The following MSH3 variants were observed in gnomAD, a reference collection of about 807,000 sequenced individuals.
MSH3 encodes DNA mismatch repair protein Msh3.
MSH3 carries 106 observed loss-of-function variants against 123.3 expected under a neutral mutation model. That is an observed-to-expected ratio of 0.86 (90% CI 0.73 to 1.01). MSH3 has a LOEUF of 1.01. Ranked by LOEUF, MSH3 falls within the 50% of genes least tolerant of loss-of-function variation. The pLI, the probability that MSH3 is intolerant of heterozygous loss-of-function variation, is 0.00. For missense variants in MSH3, 1,459 were observed against 1,347.6 expected, an observed-to-expected ratio of 1.08 and a Z score of -1.29; for synonymous variants, 515 against 481.4, an observed-to-expected ratio of 1.07 and a Z score of -0.91.
intron 20 of MSH3, among the ~76,000 whole-genome samples, chr5:80,847,553 A>G (rs959711276): frequency 3.9e-5 from 6 of 152,160 alleles, no homozygotes; most frequent in Non-Finnish European, 7.4e-5. Context: ...TTCAATGTAG[A>G]TAAAGTCAGT....
At chr5:80,666,363 A>G (rs1749569806) in intron 3 of MSH3, among the ~76,000 whole-genome samples, 1 of 152,170 alleles carries the variant, frequency 6.6e-6, no homozygotes, top group Admixed American at 6.5e-5. Context: ...AAGCCAACAA[A>G]ATTTTGCCTA....
At chr5:80,685,458 G>T (rs2112823896) in intron 8 of MSH3, among the ~76,000 whole-genome samples, 1 of 151,912 alleles carries the variant, frequency 6.6e-6, no homozygotes, top group Non-Finnish European at 1.5e-5. Context: ...TTGGCATATG[G>T]TTGCTCATAG....
In MSH3 at chr5:80,792,742, A is replaced by G. The variant is rs1744629589; in HGVS notation, c.2553A>G (p.Val851=). 1.2e-6 allele frequency: 2 copies of G among 1,605,984 alleles called. No individual in the cohort carries two copies. The highest frequency in any genetic ancestry group is 1.7e-5 in the Admixed American group (1 of 59,936). Reference sequence around the variant, plus strand: ...TATTTCTTTTTTGCAGACCAACTGTACAAGAAGAAAGAAAAATTGTAATAA... The same window carrying G: ...TATTTCTTTTTTGCAGACCAACTGTGCAAGAAGAAAGAAAAATTGTAATAA... ...AKQGDYCRPT[V]QEERKIVIKN... Residue 851 remains valine (V), a synonymous_variant, in exon 19 of 24, where the codon GTA becomes GTG. Coordinates refer to ENST00000265081, the MANE Select transcript of MSH3 (RefSeq NM_002439.5).
chr5:80,655,127 T>G (rs1236506020), intron 1 of MSH3, 163 bp downstream of exon 1: 1 of 516,302 alleles, frequency 1.9e-6, no homozygotes, highest in East Asian at 3.4e-5. Context: ...GGGCTACAAA[T>G]TGGGTGAAGC....
Position 80,835,325 on chromosome 5 carries a change from CA to C in MSH3, c.2814-18802del, listed in dbSNP as rs33916739. Among the ~76,000 whole-genome samples, 957 of 152,218 alleles carry C rather than the reference CA, an allele frequency of 6.3e-3. 7 individuals are homozygous for C. The highest frequency in any genetic ancestry group is 0.022 in the African/African-American group (923 of 41,540). On this transcript the variant is annotated intron_variant, in intron 20 of 23. Transcript: ENST00000265081. Reference sequence around the variant, plus strand: ...CTGAGAGACTGTCTGGGGTTTGATGCAAAGATCATCAGAGGCATCTACAAAT... The same window carrying C: ...CTGAGAGACTGTCTGGGGTTTGATGCAAGATCATCAGAGGCATCTACAAAT...
At chr5:80,733,474 T>A (rs1171304923) in intron 10 of MSH3, among the ~76,000 whole-genome samples, 5 of 152,032 alleles carry the variant, frequency 3.3e-5, no homozygotes, top group African/African-American at 1.2e-4. Flanking sequence ...AATAGATACA[T>A]TGGACTTCAT....
At chr5:80,697,830 T>A (rs1286272667) in intron 8 of MSH3, among the ~76,000 whole-genome samples, 3 of 152,350 alleles carry the variant, frequency 2.0e-5, no homozygotes, top group South Asian at 4.1e-4. Flanking sequence ...TTTAAAGGTA[T>A]TTTATCCTGC....
intron 21 of MSH3, among the ~76,000 whole-genome samples, chr5:80,863,658 CAAAAA>C (rs1037828159): frequency 9.0e-5 from 10 of 110,684 alleles, no homozygotes; most frequent in African/African-American, 2.3e-4. Flanking sequence ...CACTCCGTCT[CAAAAA>C]AAAAAAAAAG....
chr5:80,769,011 C>A lies in MSH3; in HGVS notation c.2253+8C>A, dbSNP rs1376953127. ...ACAGTATCAGGACAGGAGGTAATGTCAAGCTTACTTTTATTTTCTATTAGT... is the reference window on the plus strand; with the variant it reads ...ACAGTATCAGGACAGGAGGTAATGTAAAGCTTACTTTTATTTTCTATTAGT... On this transcript the variant is annotated splice_region_variant and intron_variant, in intron 15 of 23. Coordinates refer to ENST00000265081, the MANE Select transcript of MSH3 (RefSeq NM_002439.5). 1.2e-6 allele frequency: 2 copies of A among 1,610,406 alleles called. No homozygotes were observed. The highest frequency in any genetic ancestry group is 3.3e-5 in the Admixed American group (2 of 59,906).
chr5:80,805,593 CTTTTT>C, intron 19 of MSH3, among the ~76,000 whole-genome samples: 1 of 104,498 alleles, frequency 9.6e-6, no homozygotes, highest in African/African-American at 3.5e-5. Flanking sequence ...CCCCCCCTAC[CTTTTT>C]TTTTTTTTTT....
chr5:80,672,458 T>G (rs1749745471), intron 5 of MSH3, 98 bp downstream of exon 5: 1 of 905,430 alleles, frequency 1.1e-6, no homozygotes, highest in African/African-American at 1.7e-5. Flanking sequence ...TTCAATTGGT[T>G]TAGAATTTTG....
chr5:80,732,123 A>G (rs1473041866), intron 10 of MSH3, among the ~76,000 whole-genome samples: 1 of 152,164 alleles, frequency 6.6e-6, no homozygotes, highest in Non-Finnish European at 1.5e-5. Flanking sequence ...TGAGAGTTTA[A>G]GTTTGTTTCA....
intron 10 of MSH3, among the ~76,000 whole-genome samples, chr5:80,732,274 G>T (rs1306032394): frequency 1.3e-5 from 2 of 152,072 alleles, no homozygotes; most frequent in Admixed American, 1.3e-4. Flanking sequence ...ATTTTGGATG[G>T]TTTTTATTAA....
At chr5:80,731,714 ATT>A (rs1561459001) in intron 10 of MSH3, among the ~76,000 whole-genome samples, 1 of 152,194 alleles carries the variant, frequency 6.6e-6, no homozygotes, top group Admixed American at 6.5e-5. Context: ...TTTGAAGATC[ATT>A]CTAAAAGAGT....
At chr5:80,778,980 CTTTTTTTTTTTTTTTACTTTT>C (rs1345183675) in intron 17 of MSH3, 144 bp downstream of exon 17, 26 of 394,324 alleles carry the variant, frequency 6.6e-5, no homozygotes, top group African/African-American at 5.9e-4. Context: ...GATTTTATTT[CTTTTTTTTTTTTTTTACTTTT>C]TTTTTTTTGA....
chr5:80,782,427 A>G (rs1462710381), intron 17 of MSH3, among the ~76,000 whole-genome samples: 1 of 152,064 alleles, frequency 6.6e-6, no homozygotes, highest in Non-Finnish European at 1.5e-5. Context: ...TTTACATTGT[A>G]TTATGTGTTA....
chr5:80,682,086 G>A (rs988891443), intron 8 of MSH3, among the ~76,000 whole-genome samples: 6 of 151,964 alleles, frequency 3.9e-5, no homozygotes, highest in Middle Eastern at 3.2e-3. Flanking sequence ...TGGACTAAGC[G>A]AAGTCAAAAG....
At chr5:80,731,546 A>T (rs1164733597) in intron 10 of MSH3, among the ~76,000 whole-genome samples, 1 of 151,674 alleles carries the variant, frequency 6.6e-6, no homozygotes, top group Non-Finnish European at 1.5e-5. Context: ...TTAATATAGG[A>T]TTAATGAAAG....
intron 10 of MSH3, among the ~76,000 whole-genome samples, chr5:80,729,430 A>AGTGTGTGTGTG (rs1491210653): frequency 1.3e-5 from 1 of 78,376 alleles, no homozygotes; most frequent in African/African-American, 5.6e-5. Flanking sequence ...AAAAAAAAAA[A>AGTGTGTGTGTG]TGTGTGTGTG....
Sources: allele counts gnomAD v4.1 joint callset (sites outside exome capture counted in the v4.1 genomes callset), GRCh38; gene constraint gnomAD v4.1.1; transcripts MANE v1.5; gene names NCBI Gene and HGNC (gene_info 2026-07-23, HGNC 2026-07-21).